ERC2: variants seen among roughly 807,000 people sequenced by gnomAD.
The protein encoded by ERC2 is ERC protein 2.
In ERC2, 42 loss-of-function variants were observed where a neutral mutation model predicts 114.8. The observed-to-expected ratio is 0.37, with a 90% CI of 0.29 to 0.47. The LOEUF (loss-of-function observed/expected upper bound fraction) is 0.47. Ranked by LOEUF, ERC2 falls within the 20% of genes least tolerant of loss-of-function variation. The pLI, the probability that ERC2 is intolerant of heterozygous loss-of-function variation, is 0.99. For synonymous variants in ERC2, 454 were observed against 425.5 expected, an observed-to-expected ratio of 1.07 and a Z score of -0.82; for missense variants, 939 against 1,150.7, an observed-to-expected ratio of 0.82 and a Z score of 2.66.
intron 2 of ERC2, among the ~76,000 whole-genome samples, chr3:56,365,799 C>A (rs1476105620): frequency 6.6e-6 from 1 of 152,198 alleles, no homozygotes; most frequent in African/African-American, 2.4e-5. Flanking sequence ...GCCTGTCTAG[C>A]CTGCAAAGCC....
At chr3:55,763,196 A>G (rs2067562648) in intron 14 of ERC2, among the ~76,000 whole-genome samples, 1 of 152,232 alleles carries the variant, frequency 6.6e-6, no homozygotes, top group Non-Finnish European at 1.5e-5. Context: ...TGACAAGTTC[A>G]ATGTGGTTAC....
At chr3:56,230,943 A>G (rs2050579619) in intron 3 of ERC2, among the ~76,000 whole-genome samples, 1 of 152,244 alleles carries the variant, frequency 6.6e-6, no homozygotes, top group South Asian at 2.1e-4. Flanking sequence ...TAGGATTAAA[A>G]TATGCATCAG....
At chr3:56,442,040 A>G (rs2062337867) in intron 1 of ERC2, among the ~76,000 whole-genome samples, 1 of 152,140 alleles carries the variant, frequency 6.6e-6, no homozygotes, top group South Asian at 2.1e-4. Context: ...TTTTTAAAAA[A>G]TCAAAATGAA....
intron 6 of ERC2, among the ~76,000 whole-genome samples, chr3:56,130,091 T>C (rs929142905): frequency 9.9e-5 from 15 of 152,214 alleles, no homozygotes; most frequent in African/African-American, 3.4e-4. Flanking sequence ...GAAAGCAGAA[T>C]TACATACAAA....
intron 2 of ERC2, among the ~76,000 whole-genome samples, chr3:56,386,828 A>C (rs918370115): frequency 8.5e-5 from 13 of 152,310 alleles, no homozygotes; most frequent in African/African-American, 2.9e-4. Flanking sequence ...AGCAAATGCC[A>C]GATATAACAC....
In ERC2 at chr3:55,635,857, TTTTTA is replaced by T. The variant is rs200062457; in HGVS notation, c.*39+47932_*39+47936del. On this transcript the variant is annotated intron_variant, in intron 17 of 17. Coordinates refer to ENST00000288221, the MANE Select transcript of ERC2 (RefSeq NM_015576.3). ...CCCATCAGAGATTTTTTAATTTTTATTTTTATTTTATTTTATTTTATTTTATTTTG... is the reference window on the plus strand; with the variant it reads ...CCCATCAGAGATTTTTTAATTTTTATTTTTATTTTATTTTATTTTATTTTG... Among the ~76,000 whole-genome samples, 514 of 151,052 alleles carry T rather than the reference TTTTTA, an allele frequency of 3.4e-3. 2 individuals are homozygous for T. Among genetic ancestry groups the T allele is most frequent in the African/African-American group, 0.011 (472 of 41,360 alleles).
At chr3:56,468,032 T>A (rs1439913105) in intron 1 of ERC2, among the ~76,000 whole-genome samples, 17 of 150,698 alleles carry the variant, frequency 1.1e-4, no homozygotes, top group African/African-American at 4.2e-4. Context: ...AATCCGGGGG[T>A]TTATACATCA....
At chr3:55,651,207 G>A (rs1347674097) in intron 17 of ERC2, among the ~76,000 whole-genome samples, 2 of 151,856 alleles carry the variant, frequency 1.3e-5, no homozygotes, top group African/African-American at 4.8e-5. Context: ...ACTGCTGTGA[G>A]GGCAGGGACC....
At chr3:55,829,105 T>C (rs927041049) in intron 14 of ERC2, among the ~76,000 whole-genome samples, 1 of 152,294 alleles carries the variant, frequency 6.6e-6, no homozygotes, top group African/African-American at 2.4e-5. Context: ...TACTCCAGCC[T>C]GGGCAACAGA....
At chr3:56,125,709 G>C (rs1228837494) in intron 6 of ERC2, among the ~76,000 whole-genome samples, 1 of 152,136 alleles carries the variant, frequency 6.6e-6, no homozygotes, top group Admixed American at 6.5e-5. Context: ...ACTGCAAAAA[G>C]TTAAAATGAC....
chr3:56,076,511 C>T (rs2076984549), intron 7 of ERC2, among the ~76,000 whole-genome samples: 1 of 152,148 alleles, frequency 6.6e-6, no homozygotes, highest in South Asian at 2.1e-4. Flanking sequence ...GAACAGAAAA[C>T]TATGGCTGCA....
intron 3 of ERC2, among the ~76,000 whole-genome samples, chr3:56,287,859 T>G (rs1309058717): frequency 6.6e-6 from 1 of 152,180 alleles, no homozygotes. Context: ...GAAACCATTG[T>G]TCCGTTCAGA....
Position 56,149,898 on chromosome 3 carries a change from C to T in ERC2, c.1150-766G>A, listed in dbSNP as rs1366762191. 4.6e-5 allele frequency among the ~76,000 whole-genome samples: 7 copies of T among 151,958 alleles called. No individual in the cohort carries two copies. The East Asian group carries it at 1.2e-3, about 25-fold the overall frequency. On this transcript the variant is annotated intron_variant, in intron 4 of 17. Coordinates refer to ENST00000288221, the MANE Select transcript of ERC2 (RefSeq NM_015576.3). ...AATTACCAATGACAGACTCTATACACAAGGTAGAGCATTAGAAACAATGCA... is the reference window on the plus strand; with the variant it reads ...AATTACCAATGACAGACTCTATACATAAGGTAGAGCATTAGAAACAATGCA...
intron 6 of ERC2, among the ~76,000 whole-genome samples, chr3:56,097,346 A>G (rs1401817706): frequency 6.6e-6 from 1 of 152,130 alleles, no homozygotes; most frequent in Non-Finnish European, 1.5e-5. Context: ...CTTATTGCTC[A>G]CTTTTTTTTT....
intron 4 of ERC2, among the ~76,000 whole-genome samples, chr3:56,151,249 T>C (rs1015061587): frequency 3.3e-5 from 5 of 152,108 alleles, no homozygotes; most frequent in African/African-American, 1.2e-4. Context: ...GTATTTTTAG[T>C]AGTGACGGGG....
At chr3:55,963,825 C>T (rs2068559648) in intron 12 of ERC2, among the ~76,000 whole-genome samples, 1 of 152,124 alleles carries the variant, frequency 6.6e-6, no homozygotes, top group South Asian at 2.1e-4. Flanking sequence ...CTGGAGGAAA[C>T]CAACATTCCG....
chr3:56,388,925 C>T (rs2060031486), intron 2 of ERC2, among the ~76,000 whole-genome samples: 1 of 151,918 alleles, frequency 6.6e-6, no homozygotes, highest in African/African-American at 2.4e-5. Flanking sequence ...TTAAAATCAA[C>T]ATTAATTATA....
intron 13 of ERC2, among the ~76,000 whole-genome samples, chr3:55,898,325 G>A (rs2063940242): frequency 6.6e-6 from 1 of 152,102 alleles, no homozygotes; most frequent in Non-Finnish European, 1.5e-5. Context: ...TTTATTACAC[G>A]TGTGTCACAG....
At chr3:56,418,502 A>G (rs950469602) in intron 2 of ERC2, among the ~76,000 whole-genome samples, 1 of 152,174 alleles carries the variant, frequency 6.6e-6, no homozygotes, top group African/African-American at 2.4e-5. Flanking sequence ...CACTTGCTAA[A>G]TGTAACTTTT....
Sources: gnomAD v4.1 joint callset for allele counts (sites outside exome capture counted in the v4.1 genomes callset) on GRCh38, gnomAD v4.1.1 for gene constraint, MANE v1.5 for transcripts, NCBI Gene and HGNC (gene_info 2026-07-23, HGNC 2026-07-21) for gene names.